The following SCRG1 variants were observed in gnomAD, a reference collection of about 807,000 sequenced individuals.
SCRG1 encodes scrapie-responsive protein 1.
A neutral mutation model predicts 7.7 loss-of-function variants in SCRG1; 3 were observed. The observed-to-expected ratio is 0.39, with a 90% CI of 0.18 to 1.01. The LOEUF (loss-of-function observed/expected upper bound fraction) is 1.01. Ranked by LOEUF, SCRG1 falls within the 50% of genes least tolerant of loss-of-function variation. SCRG1 has a pLI of 0.36. For missense variants in SCRG1, 110 were observed against 117.2 expected, an observed-to-expected ratio of 0.94 and a Z score of 0.28; for synonymous variants, 46 against 41.2, an observed-to-expected ratio of 1.12 and a Z score of -0.44.
At chr4:173,467,472 G>C in the SCRG1 span, among the ~76,000 whole-genome samples, 16 of 152,272 alleles carry the variant, frequency 1.1e-4, 1 homozygote, top group South Asian at 3.1e-3. Context: ...TGTGAGCATG[G>C]GGAGAGTAGA....
At chr4:173,504,351 C>A in the SCRG1 span, among the ~76,000 whole-genome samples, 1 of 152,186 alleles carries the variant, frequency 6.6e-6, no homozygotes, top group African/African-American at 2.4e-5. This position sits in a 1 kb window ranked among gnomAD's most constrained non-coding sequence, Gnocchi z 4.7. Flanking sequence ...TATAAGGTAC[C>A]TGCCAGCACA....
At chr4:173,399,143 AAGG>A (rs1483250531), upstream of SCRG1, 1 of 152,146 alleles carries the variant, frequency 6.6e-6, no homozygotes, top group African/African-American at 2.4e-5. Flanking sequence ...GTTTGGGCAA[AAGG>A]AGAAGAGAGG....
At chr4:173,417,096 CACA>C in the SCRG1 span, among the ~76,000 whole-genome samples, 2 of 151,400 alleles carry the variant, frequency 1.3e-5, no homozygotes, top group Non-Finnish European at 2.9e-5. Flanking sequence ...CATCATCACA[CACA>C]ACACACACAC....
At chr4:173,476,805 G>A in the SCRG1 span, among the ~76,000 whole-genome samples, 1 of 151,598 alleles carries the variant, frequency 6.6e-6, no homozygotes, top group Non-Finnish European at 1.5e-5. Flanking sequence ...TGGGTGACAG[G>A]GCAAGATCCC....
the SCRG1 span, among the ~76,000 whole-genome samples, chr4:173,479,323 T>G: frequency 6.6e-6 from 1 of 152,214 alleles, no homozygotes; most frequent in Non-Finnish European, 1.5e-5. Context: ...TTGTAGACAC[T>G]GGTTCATTTT....
In SCRG1 at chr4:173,391,490, AATGAAGTTCTGTAGC is replaced by A. The variant is rs1449329224; in HGVS notation, c.-14-77_-14-63del. On this transcript the variant is annotated intron_variant, in intron 1 of 2. Coordinates refer to ENST00000296506, the MANE Select transcript of SCRG1 (RefSeq NM_007281.4). The stretch of plus-strand genomic sequence containing the variant: ...GTTTTTTAAAGATAGAATTCATCTG[AATGAAGTTCTGTAGC>A]ATGCTTATAAACCCTTGGATAGAAA... The A allele has an allele frequency of 5.2e-6, 8 of 1,543,072 alleles. No homozygotes were observed. The East Asian group carries it at 1.8e-4, about 35-fold the overall frequency.
At chr4:173,483,561 G>A in the SCRG1 span, among the ~76,000 whole-genome samples, 1,995 of 24,484 alleles carry the variant, frequency 0.081, 751 homozygotes, top group East Asian at 0.15. Flanking sequence ...ATTATATATT[G>A]TATTGTGATA....
At chr4:173,457,423 G>T in the SCRG1 span, among the ~76,000 whole-genome samples, 1 of 152,150 alleles carries the variant, frequency 6.6e-6, no homozygotes, top group Non-Finnish European at 1.5e-5. Flanking sequence ...TTTCTTTGTT[G>T]TTCTAAAAAG....
the SCRG1 span, among the ~76,000 whole-genome samples, chr4:173,485,574 C>A: frequency 2.6e-5 from 4 of 151,962 alleles, no homozygotes; most frequent in African/African-American, 9.7e-5. Context: ...TTAAGTTTTG[C>A]GATAGTTTGT....
the SCRG1 span, among the ~76,000 whole-genome samples, chr4:173,485,553 G>A: frequency 1.3e-5 from 2 of 152,060 alleles, no homozygotes; most frequent in Non-Finnish European, 1.5e-5. Context: ...AATGGTAGTT[G>A]TTTTAAGCCA....
chr4:173,455,109 G>A, the SCRG1 span, among the ~76,000 whole-genome samples: 25 of 151,828 alleles, frequency 1.6e-4, no homozygotes, highest in Non-Finnish European at 3.4e-4. Flanking sequence ...ACCCTCTGGG[G>A]GCCTCCCACA....
chr4:173,402,602 T>C (rs1020972738), upstream of SCRG1, among the ~76,000 whole-genome samples: 1 of 152,014 alleles, frequency 6.6e-6, no homozygotes, highest in African/African-American at 2.4e-5. Flanking sequence ...AGAAAAAAAA[T>C]GGAACATGCA....
At chr4:173,421,915 A>T in the SCRG1 span, among the ~76,000 whole-genome samples, 1 of 152,270 alleles carries the variant, frequency 6.6e-6, no homozygotes, top group Non-Finnish European at 1.5e-5. Flanking sequence ...TTCTTCCTCG[A>T]TAGCACTTAG....
intron 1 of SCRG1, among the ~76,000 whole-genome samples, chr4:173,405,253 G>C (rs1739871662): frequency 6.6e-6 from 1 of 152,128 alleles, no homozygotes; most frequent in South Asian, 2.1e-4. Context: ...TCTAATATTG[G>C]TCTTATGGTT....
rs1473195517 is a variant in SCRG1, at chr4:173,385,432, T to C, written c.*2909A>G. On this transcript the variant is annotated 3_prime_UTR_variant, in exon 3 of 3. Transcript: ENST00000296506. ...TTGCAGTGAGTCAAGATTGTGCCAC[T>C]GTACTCTGGCCTGGGTGACAGAGTG... The C allele has an allele frequency of 1.3e-5, 2 of 151,554 alleles. No individual in the cohort carries two copies. Among genetic ancestry groups the C allele is most frequent in the African/African-American group, 4.9e-5 (2 of 41,184 alleles). 9.4% of individuals were successfully genotyped at this position (151,554 alleles called of 1,614,324 possible).
At chr4:173,430,305 T>TA in the SCRG1 span, among the ~76,000 whole-genome samples, 1 of 152,192 alleles carries the variant, frequency 6.6e-6, no homozygotes, top group Non-Finnish European at 1.5e-5. Context: ...TTTGAGTTTT[T>TA]ACTATCTGGA....
the SCRG1 span, among the ~76,000 whole-genome samples, chr4:173,484,814 C>T: frequency 9.2e-5 from 5 of 54,346 alleles, no homozygotes; most frequent in South Asian, 5.5e-4. Flanking sequence ...ATATATTATA[C>T]ATATAATATA....
At chr4:173,423,763 T>C in the SCRG1 span, among the ~76,000 whole-genome samples, 1 of 151,890 alleles carries the variant, frequency 6.6e-6, no homozygotes, top group African/African-American at 2.4e-5. Flanking sequence ...TACAACAGAG[T>C]ATTACAGACT....
the SCRG1 span, among the ~76,000 whole-genome samples, chr4:173,462,876 G>A: frequency 1.3e-5 from 2 of 152,170 alleles, no homozygotes; most frequent in African/African-American, 2.4e-5. Context: ...GTGTTAAGTT[G>A]TTATCAGGGT....
Sources: allele counts gnomAD v4.1 joint callset (sites outside exome capture counted in the v4.1 genomes callset), GRCh38; gene constraint gnomAD v4.1.1; non-coding constraint Gnocchi (gnomAD v3.1); transcripts MANE v1.5; gene names NCBI Gene and HGNC (gene_info 2026-07-23, HGNC 2026-07-21).